RNF180: variants seen among roughly 807,000 people sequenced by gnomAD.
RNF180 encodes ring finger protein 180, also known as E3 ubiquitin-protein ligase RNF180.
RNF180 carries 38 observed loss-of-function variants against 59.2 expected under a neutral mutation model. That is an observed-to-expected ratio of 0.64 (90% CI 0.50 to 0.84). The LOEUF (loss-of-function observed/expected upper bound fraction) is 0.84. Ranked by LOEUF, RNF180 falls within the 40% of genes least tolerant of loss-of-function variation. The pLI is 0.00. For missense variants in RNF180, 705 were observed against 700.9 expected (o/e 1.01, Z -0.07); for synonymous variants, 262 against 240.3 (o/e 1.09, Z -0.84).
chr5:64,306,510 T>C (rs531022762), intron 5 of RNF180, among the ~76,000 whole-genome samples: 1 of 151,724 alleles, frequency 6.6e-6, no homozygotes, highest in East Asian at 1.9e-4. Context: ...AAAAAGGAAA[T>C]ATGTACTTTT....
At chr5:64,333,090 C>G (rs1435208157) in intron 7 of RNF180, among the ~76,000 whole-genome samples, 2 of 152,148 alleles carry the variant, frequency 1.3e-5, no homozygotes. Flanking sequence ...ATTATATAAG[C>G]ACATACTACT....
chr5:64,168,379 C>T (rs1749758653), intron 1 of RNF180, among the ~76,000 whole-genome samples: 1 of 152,158 alleles, frequency 6.6e-6, no homozygotes. Flanking sequence ...AAAATAATGA[C>T]AGACATTGTT....
chr5:64,257,860 G>A (rs1024676468), intron 5 of RNF180, among the ~76,000 whole-genome samples: 1 of 152,136 alleles, frequency 6.6e-6, no homozygotes, highest in Admixed American at 6.6e-5. Flanking sequence ...GGATATACAG[G>A]AATTGAACTC....
intron 2 of RNF180, among the ~76,000 whole-genome samples, chr5:64,208,265 C>T (rs1752123492): frequency 6.6e-6 from 1 of 152,016 alleles, no homozygotes; most frequent in Non-Finnish European, 1.5e-5. Flanking sequence ...ATTACTTTCT[C>T]CTCCTTTTCC....
At chr5:64,300,174 C>T (rs1438502572) in intron 5 of RNF180, among the ~76,000 whole-genome samples, 1 of 151,424 alleles carries the variant, frequency 6.6e-6, no homozygotes, top group East Asian at 1.9e-4. Flanking sequence ...TGAAAATTCT[C>T]GACCTAATAG....
rs185147260 is a variant in RNF180, at chr5:64,170,240, G to T, written c.-1+4287G>T. ...CTAGCCAAGGTTAAAAAACTAATAT[G>T]TTTGCACTAAGTCAGTTTGAAATAA... On this transcript the variant is annotated intron_variant, in intron 1 of 7. Coordinates refer to ENST00000389100, the MANE Select transcript of RNF180 (RefSeq NM_001113561.2). Among the ~76,000 whole-genome samples, 516 of 152,338 alleles carry T rather than the reference G, an allele frequency of 3.4e-3. 6 individuals are homozygous for T. Among genetic ancestry groups the T allele is most frequent in the African/African-American group, 0.012 (493 of 41,582 alleles).
intron 5 of RNF180, among the ~76,000 whole-genome samples, chr5:64,218,382 T>A (rs1380163133): frequency 6.6e-6 from 1 of 152,224 alleles, no homozygotes; most frequent in Non-Finnish European, 1.5e-5. Flanking sequence ...AACAATGTCC[T>A]TCCTTCATTG....
chr5:64,182,622 A>G (rs1289468527), intron 1 of RNF180, among the ~76,000 whole-genome samples: 1 of 152,232 alleles, frequency 6.6e-6, no homozygotes, highest in East Asian at 1.9e-4. Context: ...AGGGAGATTC[A>G]TGCTGAAGGA....
intron 1 of RNF180, among the ~76,000 whole-genome samples, chr5:64,173,717 C>CTTTTTTTTTTTTT (rs113698456): frequency 1.4e-5 from 2 of 140,066 alleles, no homozygotes; most frequent in Non-Finnish European, 3.1e-5. Flanking sequence ...ATAGCATCAA[C>CTTTTTTTTTTTTT]TTTTTTTTTT....
At chr5:64,284,942 G>C (rs180932347) in intron 5 of RNF180, among the ~76,000 whole-genome samples, 12 of 152,318 alleles carry the variant, frequency 7.9e-5, no homozygotes, top group Middle Eastern at 3.4e-3. Context: ...TTTCTCATCT[G>C]TGTGAGCTGA....
intron 5 of RNF180, among the ~76,000 whole-genome samples, chr5:64,258,532 G>GT (rs1007664907): frequency 1.3e-5 from 2 of 151,910 alleles, no homozygotes; most frequent in East Asian, 3.9e-4. Context: ...AATAATTAAG[G>GT]TTTTTTTTCT....
At chr5:64,254,171 T>G (rs1743777814) in intron 5 of RNF180, among the ~76,000 whole-genome samples, 1 of 152,160 alleles carries the variant, frequency 6.6e-6, no homozygotes, top group Non-Finnish European at 1.5e-5. Flanking sequence ...AAGTTGTTTT[T>G]AAGGTTAAAG....
chr5:64,323,167 T>A (rs1744458546), intron 5 of RNF180, among the ~76,000 whole-genome samples: 1 of 152,162 alleles, frequency 6.6e-6, no homozygotes, highest in African/African-American at 2.4e-5. Context: ...GAGAATATAA[T>A]GTCTTGTTCA....
chr5:64,180,305 C>A (rs1177925094), intron 1 of RNF180, among the ~76,000 whole-genome samples: 1 of 152,120 alleles, frequency 6.6e-6, no homozygotes, highest in African/African-American at 2.4e-5. Flanking sequence ...TTGCAGCTTT[C>A]TGTAATATCT....
chr5:64,361,243 A>G (rs1484638561), intron 7 of RNF180, among the ~76,000 whole-genome samples: 1 of 151,570 alleles, frequency 6.6e-6, no homozygotes, highest in African/African-American at 2.4e-5. Flanking sequence ...ATAAAATAGT[A>G]ACAAGTTGAG....
rs143771358 is a variant in RNF180, at chr5:64,337,092, G to T, written c.1579+6686G>T. ...AGGCTGGAGTGCAGTGGTATGATCG[G>T]CAGCCTCAACCTTCCAATTCAGGCA... On this transcript the variant is annotated intron_variant, in intron 7 of 7. Coordinates refer to ENST00000389100, the MANE Select transcript of RNF180 (RefSeq NM_001113561.2). 8.8e-3 allele frequency among the ~76,000 whole-genome samples: 1,333 copies of T among 151,464 alleles called. 8 individuals carry two copies. The highest frequency in any genetic ancestry group is 0.012 in the Non-Finnish European group (834 of 67,838).
intron 5 of RNF180, among the ~76,000 whole-genome samples, chr5:64,267,672 G>C (rs1377406349): frequency 1.3e-5 from 2 of 152,054 alleles, no homozygotes; most frequent in Admixed American, 6.6e-5. Context: ...TCCCTACAAA[G>C]GACATGAACT....
chr5:64,281,063 G>T (rs908027055), intron 5 of RNF180, among the ~76,000 whole-genome samples: 11 of 152,108 alleles, frequency 7.2e-5, no homozygotes, highest in African/African-American at 2.7e-4. Context: ...TGTGTGTGTG[G>T]TTATTGTGAA....
At chr5:64,357,009 A>T (rs186664217) in intron 7 of RNF180, among the ~76,000 whole-genome samples, 10 of 151,840 alleles carry the variant, frequency 6.6e-5, no homozygotes, top group Admixed American at 5.9e-4. Flanking sequence ...AATAAAAACT[A>T]TTTTTTTAAA....
Sources: gnomAD v4.1 joint callset for allele counts (sites outside exome capture counted in the v4.1 genomes callset) on GRCh38, gnomAD v4.1.1 for gene constraint, MANE v1.5 for transcripts, NCBI Gene and HGNC (gene_info 2026-07-23, HGNC 2026-07-21) for gene names.